The following LTBP1 variants were observed in gnomAD, a reference collection of about 807,000 sequenced individuals.
LTBP1 encodes the protein latent-transforming growth factor beta-binding protein 1.
A neutral mutation model predicts 207.6 loss-of-function variants in LTBP1; 129 were observed. That is an observed-to-expected ratio of 0.62 (90% CI 0.54 to 0.72). LTBP1 has a LOEUF of 0.72. Among genes scored for constraint, LTBP1 ranks in the 30% least tolerant of loss-of-function variants. LTBP1 has a pLI of 0.00. For missense variants in LTBP1, 2,281 were observed against 2,217.2 expected (o/e 1.03, Z -0.58); for synonymous variants, 963 against 833.7 (o/e 1.16, Z -2.67).
intron 7 of LTBP1, among the ~76,000 whole-genome samples, chr2:33,213,724 G>T (rs1164990040): frequency 6.6e-6 from 1 of 152,120 alleles, no homozygotes. Context: ...ATAACTGAAG[G>T]GCATATGTAG....
intron 3 of LTBP1, among the ~76,000 whole-genome samples, chr2:33,107,677 A>G (rs1417136509): frequency 6.6e-6 from 1 of 152,220 alleles, no homozygotes; most frequent in Non-Finnish European, 1.5e-5. Context: ...GTACGATTGC[A>G]TAACAGCTAG....
chr2:33,302,716 A>T (rs1233985803), intron 22 of LTBP1, among the ~76,000 whole-genome samples: 1 of 151,420 alleles, frequency 6.6e-6, no homozygotes, highest in Non-Finnish European at 1.5e-5. Context: ...TTTTATCCTA[A>T]GGTGATCATG....
At chr2:33,204,686 C>A (rs1417468334) in intron 7 of LTBP1, among the ~76,000 whole-genome samples, 1 of 152,042 alleles carries the variant, frequency 6.6e-6, no homozygotes. Context: ...CTCAAGTGAT[C>A]CTCCTGCCTC....
intron 24 of LTBP1, among the ~76,000 whole-genome samples, chr2:33,328,555 C>T (rs1016938417): frequency 1.3e-5 from 2 of 152,092 alleles, no homozygotes; most frequent in African/African-American, 2.4e-5. Flanking sequence ...ATGGAGTGAG[C>T]GCAAGCAGGG....
intron 7 of LTBP1, among the ~76,000 whole-genome samples, chr2:33,190,184 G>A (rs560191528): frequency 6.6e-6 from 1 of 152,218 alleles, no homozygotes; most frequent in African/African-American, 2.4e-5. Flanking sequence ...ACCTAAAAGC[G>A]TTGGTTCCTC....
chr2:33,227,421 T>G (rs1245962875), intron 9 of LTBP1, among the ~76,000 whole-genome samples: 1 of 152,214 alleles, frequency 6.6e-6, no homozygotes, highest in Non-Finnish European at 1.5e-5. Context: ...CAATCAGGAA[T>G]TTGACAGTTT....
chr2:33,288,814 C>T lies in LTBP1; in HGVS notation c.3113-4346C>T, dbSNP rs186696672. 6.7e-5 allele frequency among the ~76,000 whole-genome samples: 10 copies of T among 149,414 alleles called. No homozygotes were observed. The East Asian group carries it at 2.0e-3, about 29-fold the overall frequency. On this transcript the variant is annotated intron_variant, in intron 19 of 33. Transcript: ENST00000404816. ...AAGTTGCAGTGAGCCGAGATCGCAC[C>T]ACTGCACTCCAGCCTGGGTGACAGA...
chr2:33,084,213 C>T (rs1005765889), intron 3 of LTBP1, among the ~76,000 whole-genome samples: 6 of 152,190 alleles, frequency 3.9e-5, no homozygotes, highest in African/African-American at 1.4e-4. Flanking sequence ...GCATTTGCAG[C>T]ACATACATGT....
chr2:33,143,376 G>A (rs536925645), intron 5 of LTBP1, among the ~76,000 whole-genome samples: 1 of 152,208 alleles, frequency 6.6e-6, no homozygotes, highest in South Asian at 2.1e-4. Context: ...CATTTTTGTT[G>A]ACAATAAATT....
Position 33,213,755 on chromosome 2 carries a change from C to G in LTBP1, c.1702-3797C>G, listed in dbSNP as rs2090484982. Reference sequence around the variant, plus strand: ...TGTAGAACTTTGAGTCTTGTTATAACTGTGACTTCATCTCTTGTAGCTTAT... The same window carrying G: ...TGTAGAACTTTGAGTCTTGTTATAAGTGTGACTTCATCTCTTGTAGCTTAT... On this transcript the variant is annotated intron_variant, in intron 7 of 33. Transcript: ENST00000404816. 2.0e-5 allele frequency among the ~76,000 whole-genome samples: 3 copies of G among 152,208 alleles called. No homozygotes were observed. The South Asian group carries it at 6.2e-4, about 32-fold the overall frequency.
chr2:33,223,106 T>A (rs1277067166), intron 9 of LTBP1, among the ~76,000 whole-genome samples: 1 of 152,214 alleles, frequency 6.6e-6, no homozygotes, highest in Non-Finnish European at 1.5e-5. Context: ...ATTAAGGTCA[T>A]GTTACAGAGT....
rs766704327 is a variant in LTBP1, at chr2:33,294,682, G to T, written c.3235+1400G>T. Among the ~76,000 whole-genome samples, 8 of 149,584 alleles carry T rather than the reference G, an allele frequency of 5.3e-5. No individual in the cohort carries two copies. The Admixed American group carries it at 5.4e-4, about 10-fold the overall frequency. On this transcript the variant is annotated intron_variant, in intron 20 of 33. Coordinates refer to ENST00000404816, the MANE Select transcript of LTBP1 (RefSeq NM_206943.4). ...CAACCTCCGCCTCCCAGGTTCAAGC[G>T]ATTCTCCTGCCTCAGCCGCCTGAGT...
intron 2 of LTBP1, among the ~76,000 whole-genome samples, chr2:33,003,443 G>T (rs1480858292): frequency 1.3e-5 from 2 of 152,208 alleles, no homozygotes; most frequent in Non-Finnish European, 2.9e-5. Context: ...AGTGATGGAA[G>T]TCAGATTTAA....
At chr2:33,358,712 G>C (rs979475065) in intron 26 of LTBP1, among the ~76,000 whole-genome samples, 5 of 152,080 alleles carry the variant, frequency 3.3e-5, no homozygotes, top group Admixed American at 3.3e-4. Flanking sequence ...TTAATAGCTA[G>C]CTACATTTTT....
chr2:33,260,991 A>T (rs1446696426), intron 13 of LTBP1, among the ~76,000 whole-genome samples: 1 of 152,224 alleles, frequency 6.6e-6, no homozygotes, highest in African/African-American at 2.4e-5. Context: ...CTTGGTACTT[A>T]AAAAAGTCTC....
intron 3 of LTBP1, among the ~76,000 whole-genome samples, chr2:33,047,761 A>G (rs537795192): frequency 1.3e-5 from 2 of 152,232 alleles, no homozygotes; most frequent in East Asian, 3.9e-4. Flanking sequence ...AGTCTCTTTT[A>G]GGTCTCTAAG....
At chr2:33,119,542 C>A (rs2080977152) in intron 4 of LTBP1, among the ~76,000 whole-genome samples, 1 of 152,068 alleles carries the variant, frequency 6.6e-6, no homozygotes, top group South Asian at 2.1e-4. Flanking sequence ...ACATAAGGAT[C>A]CATAAATACC....
At chr2:33,241,331 C>T (rs540494543) in intron 9 of LTBP1, among the ~76,000 whole-genome samples, 56 of 152,294 alleles carry the variant, frequency 3.7e-4, no homozygotes, top group Middle Eastern at 3.4e-3. Flanking sequence ...CTGTCTATAC[C>T]TGATAGGTTT....
intron 7 of LTBP1, among the ~76,000 whole-genome samples, chr2:33,198,767 C>A (rs771547880): frequency 6.6e-6 from 1 of 151,938 alleles, no homozygotes; most frequent in South Asian, 2.1e-4. Context: ...TTTTTTATTG[C>A]GTCTATTTGA....
Sources: gnomAD v4.1 joint callset for allele counts (sites outside exome capture counted in the v4.1 genomes callset) on GRCh38, gnomAD v4.1.1 for gene constraint, MANE v1.5 for transcripts, NCBI Gene and HGNC (gene_info 2026-07-23, HGNC 2026-07-21) for gene names.